Variants in TAF3 observed in about 807,000 individuals in gnomAD.
TAF3 encodes TATA-box binding protein associated factor 3, also known as transcription initiation factor TFIID subunit 3.
TAF3 carries 7 observed loss-of-function variants against 80.6 expected under a neutral mutation model. That is an observed-to-expected ratio of 0.09 (90% CI 0.05 to 0.16). The LOEUF (loss-of-function observed/expected upper bound fraction) is 0.16. Ranked by LOEUF, TAF3 falls within the 10% of genes least tolerant of loss-of-function variation. The pLI is 1.00. For missense variants in TAF3, 921 were observed against 1,140.2 expected, an observed-to-expected ratio of 0.81 and a Z score of 2.77; for synonymous variants, 444 against 446.1, an observed-to-expected ratio of 1.00 and a Z score of 0.06.
chr10:7,990,638 AT>A (rs1469021394), intron 4 of TAF3, among the ~76,000 whole-genome samples: 1 of 152,224 alleles, frequency 6.6e-6, no homozygotes. Flanking sequence ...TAAGAAATGC[AT>A]TTTAGATTGT....
chr10:7,974,107 G>A (rs185541810), intron 3 of TAF3, among the ~76,000 whole-genome samples: 11 of 150,398 alleles, frequency 7.3e-5, no homozygotes, highest in East Asian at 3.9e-4. Context: ...CAGCCTGGGC[G>A]ACAGAGTGAG....
At chr10:8,002,721 A>G (rs1429868648) in intron 4 of TAF3, among the ~76,000 whole-genome samples, 5 of 152,144 alleles carry the variant, frequency 3.3e-5, no homozygotes. Context: ...TTCTTATTCA[A>G]ACCTATATCT....
chr10:7,837,347 A>C (rs1836861206), intron 2 of TAF3, among the ~76,000 whole-genome samples: 1 of 151,820 alleles, frequency 6.6e-6, no homozygotes, highest in Admixed American at 6.6e-5. Context: ...TGGGCAAAAA[A>C]AAAAAAAAAA....
At chr10:7,955,173 T>G (rs887105482) in intron 2 of TAF3, among the ~76,000 whole-genome samples, 2 of 152,252 alleles carry the variant, frequency 1.3e-5, no homozygotes, top group Non-Finnish European at 2.9e-5. Context: ...AAAAGTATGC[T>G]TTTTTGTTTT....
At chr10:7,861,020 G>A (rs1166643137) in intron 2 of TAF3, among the ~76,000 whole-genome samples, 1 of 151,390 alleles carries the variant, frequency 6.6e-6, no homozygotes, top group African/African-American at 2.4e-5. Context: ...GGAGTGCAGT[G>A]GCGCCATCTC....
At chr10:7,857,525 G>A (rs1227321475) in intron 2 of TAF3, among the ~76,000 whole-genome samples, 2 of 152,080 alleles carry the variant, frequency 1.3e-5, no homozygotes, top group African/African-American at 4.8e-5. Flanking sequence ...GTGGACACTG[G>A]GTAGTGTATC....
intron 2 of TAF3, among the ~76,000 whole-genome samples, chr10:7,884,294 C>T (rs1380908258): frequency 6.6e-6 from 1 of 151,986 alleles, no homozygotes; most frequent in Non-Finnish European, 1.5e-5. Flanking sequence ...GTTCTTTGGA[C>T]AGTCCCTTAC....
At chr10:7,974,129 A>AAC (rs1831647072) in intron 3 of TAF3, among the ~76,000 whole-genome samples, 1 of 111,676 alleles carries the variant, frequency 9.0e-6, no homozygotes, top group South Asian at 3.3e-4. Flanking sequence ...TTCCTTCTGA[A>AAC]ACATACACAC....
intron 2 of TAF3, among the ~76,000 whole-genome samples, chr10:7,951,211 T>C (rs1432464975): frequency 6.6e-6 from 1 of 152,254 alleles, no homozygotes; most frequent in Admixed American, 6.5e-5. Flanking sequence ...TACATATGAA[T>C]ACATAGCTAA....
At chr10:7,923,699 C>G (rs1249637599) in intron 2 of TAF3, among the ~76,000 whole-genome samples, 1 of 151,372 alleles carries the variant, frequency 6.6e-6, no homozygotes, top group Non-Finnish European at 1.5e-5. Context: ...GAAAAGAGTA[C>G]CTCCCTGCTT....
chr10:7,846,114 A>T (rs1462358236), intron 2 of TAF3, among the ~76,000 whole-genome samples: 4 of 151,630 alleles, frequency 2.6e-5, no homozygotes, highest in African/African-American at 4.8e-5. Context: ...GCCCGCCACC[A>T]CGCCTAGCTA....
At chr10:7,913,282 G>A (rs2131181208) in intron 2 of TAF3, among the ~76,000 whole-genome samples, 1 of 152,262 alleles carries the variant, frequency 6.6e-6, no homozygotes, top group Middle Eastern at 3.4e-3. Flanking sequence ...ACATGATTGA[G>A]TTCATAGCAG....
chr10:7,835,919 C>T (rs1836847910), intron 2 of TAF3, among the ~76,000 whole-genome samples: 2 of 152,150 alleles, frequency 1.3e-5, no homozygotes, highest in African/African-American at 4.8e-5. Flanking sequence ...CTTGCCCCAG[C>T]TACCACTTTC....
intron 2 of TAF3, among the ~76,000 whole-genome samples, chr10:7,849,350 G>A (rs959632413): frequency 2.0e-5 from 3 of 152,092 alleles, no homozygotes; most frequent in Non-Finnish European, 2.9e-5. Context: ...TGATATTCCC[G>A]TTTGTAAGAC....
At chr10:7,962,457 C>G (rs961305941) in intron 2 of TAF3, among the ~76,000 whole-genome samples, 3 of 152,184 alleles carry the variant, frequency 2.0e-5, no homozygotes, top group African/African-American at 7.2e-5. Context: ...GTCCAAACTA[C>G]CAGTAGAATA....
intron 2 of TAF3, among the ~76,000 whole-genome samples, chr10:7,899,092 A>C (rs1837534959): frequency 6.6e-6 from 1 of 152,156 alleles, no homozygotes; most frequent in Non-Finnish European, 1.5e-5. Flanking sequence ...TAGCATTTTT[A>C]AGAGAGCATT....
At chr10:7,897,964 A>G (rs1394604453) in intron 2 of TAF3, among the ~76,000 whole-genome samples, 1 of 151,536 alleles carries the variant, frequency 6.6e-6, no homozygotes, top group Non-Finnish European at 1.5e-5. Context: ...CCCGGTCCCT[A>G]TTTTCTCTTT....
chr10:8,000,415 C>A (rs1023163958), intron 4 of TAF3, among the ~76,000 whole-genome samples: 2 of 152,134 alleles, frequency 1.3e-5, no homozygotes, highest in Non-Finnish European at 2.9e-5. Context: ...CTGCACCCGG[C>A]CTTTTTCTTT....
At chr10:7,928,232 G>A (rs1262705311) in intron 2 of TAF3, among the ~76,000 whole-genome samples, 1 of 152,140 alleles carries the variant, frequency 6.6e-6, no homozygotes, top group Non-Finnish European at 1.5e-5. Context: ...ATAAGTTTCG[G>A]TGGTCAGGCA....
Sources: allele counts gnomAD v4.1 joint callset (sites outside exome capture counted in the v4.1 genomes callset), GRCh38; gene constraint gnomAD v4.1.1; transcripts MANE v1.5; gene names NCBI Gene and HGNC (gene_info 2026-07-23, HGNC 2026-07-21).